SNTB2: variants seen among roughly 807,000 people sequenced by gnomAD.
SNTB2 encodes syntrophin beta 2.
Under a neutral mutation model 46.2 loss-of-function variants are expected in SNTB2, and 34 were observed. The ratio of observed to expected loss-of-function variants is 0.74; its 90% CI spans 0.56 to 0.98. The LOEUF (loss-of-function observed/expected upper bound fraction) is 0.98, where lower values mean the gene tolerates loss of function less well. Among genes scored for constraint, SNTB2 ranks in the 50% least tolerant of loss-of-function variants. The probability of loss-of-function intolerance (pLI) is 0.00; values close to 1 mark genes in which losing one functional copy is unlikely to be tolerated. For missense variants in SNTB2, 603 were observed against 731.4 expected (o/e 0.82, Z 2.02); for synonymous variants, 290 against 312.6 (o/e 0.93, Z 0.76).
At chr16:69,298,734 C>T (rs142528658) in intron 5 of SNTB2, among the ~76,000 whole-genome samples, 3,229 of 151,986 alleles carry the variant, frequency 0.021, 121 homozygotes, top group African/African-American at 0.073. Context: ...GTTGGCCAGG[C>T]TAGTCTCTAA....
Position 69,236,416 on chromosome 16 carries a change from G to A in SNTB2, c.581-9186G>A, listed in dbSNP as rs112793629. ...GTACAGATACAAAGGGACAACTATT[G>A]TATGAGTCCACCTATGTGAGGTACC... On this transcript the variant is annotated intron_variant, in intron 1 of 6. Transcript: ENST00000336278. Among the ~76,000 whole-genome samples the A allele has an allele frequency of 1.9e-3, 295 of 152,244 alleles. 1 individual carries two copies. The highest frequency in any genetic ancestry group is 6.8e-3 in the Middle Eastern group (2 of 294).
intron 2 of SNTB2, among the ~76,000 whole-genome samples, chr16:69,253,715 A>T (rs1226431661): frequency 6.6e-6 from 1 of 152,114 alleles, no homozygotes; most frequent in Admixed American, 6.6e-5. Flanking sequence ...ATCTATTCTC[A>T]TCTTTTTTCA....
chr16:69,289,397 T>C (rs956953623), intron 5 of SNTB2, among the ~76,000 whole-genome samples: 3 of 151,950 alleles, frequency 2.0e-5, no homozygotes, highest in Non-Finnish European at 4.4e-5. Flanking sequence ...AACATACAAT[T>C]AGAAAGAAGG....
intron 1 of SNTB2, among the ~76,000 whole-genome samples, chr16:69,192,267 C>T (rs543948672): frequency 6.6e-6 from 1 of 152,206 alleles, no homozygotes; most frequent in Non-Finnish European, 1.5e-5. Context: ...TCAAGAGATA[C>T]TTTAAAGCAG....
chr16:69,210,939 C>T (rs1159087608), intron 1 of SNTB2, among the ~76,000 whole-genome samples: 1 of 151,890 alleles, frequency 6.6e-6, no homozygotes, highest in African/African-American at 2.4e-5. Context: ...TGCAGTGAGC[C>T]GAGATTGCAC....
chr16:69,245,077 G>C (rs1176473515), intron 1 of SNTB2, among the ~76,000 whole-genome samples: 2 of 152,232 alleles, frequency 1.3e-5, no homozygotes, highest in Admixed American at 6.5e-5. Flanking sequence ...CCAGTGGGTA[G>C]AAGTATGGAG....
chr16:69,196,632 C>T (rs1242350610), intron 1 of SNTB2, among the ~76,000 whole-genome samples: 1 of 152,106 alleles, frequency 6.6e-6, no homozygotes, highest in African/African-American at 2.4e-5. Context: ...CTTGGCCTCC[C>T]AAAGTCCTGG....
chr16:69,304,174 GTCCTT>G lies in SNTB2; in HGVS notation c.*3255_*3259del, dbSNP rs1271836182. The stretch of plus-strand genomic sequence containing the variant: ...GTTTTTCTTTTTCTGAAAAAGGTAA[GTCCTT>G]TCCTGAAGTCATCAAATGAAACATT... On this transcript the variant is annotated 3_prime_UTR_variant, in exon 7 of 7. Transcript: ENST00000336278. 1 of 152,180 alleles carries G rather than the reference GTCCTT, an allele frequency of 6.6e-6. No individual in the cohort carries two copies. The highest frequency in any genetic ancestry group is 1.5e-5 in the Non-Finnish European group (1 of 68,032). 9.4% of individuals were successfully genotyped at this position (152,180 alleles called of 1,614,324 possible). A position where few individuals can be genotyped will look rare whatever the true frequency, so the allele number is the denominator to read the frequency against.
chr16:69,249,291 G>T (rs1964702935), intron 2 of SNTB2, among the ~76,000 whole-genome samples: 1 of 152,084 alleles, frequency 6.6e-6, no homozygotes, highest in African/African-American at 2.4e-5. Context: ...CTCCCAAAGT[G>T]CTGGGGTTAC....
chr16:69,248,285 T>C (rs1964690236), intron 2 of SNTB2, among the ~76,000 whole-genome samples: 1 of 152,246 alleles, frequency 6.6e-6, no homozygotes, highest in Non-Finnish European at 1.5e-5. Context: ...TTGAATCATC[T>C]AAGTGCAACA....
chr16:69,285,060 AG>A (rs1462555024), intron 5 of SNTB2, among the ~76,000 whole-genome samples: 2 of 152,206 alleles, frequency 1.3e-5, no homozygotes, highest in Admixed American at 1.3e-4. Flanking sequence ...GGCTTATGTA[AG>A]TACACTCTAT....
chr16:69,226,584 C>T (rs1371847561), intron 1 of SNTB2, among the ~76,000 whole-genome samples: 1 of 152,190 alleles, frequency 6.6e-6, no homozygotes, highest in East Asian at 1.9e-4. Flanking sequence ...CACTGGAGTG[C>T]GGTGGTGGGA....
intron 5 of SNTB2, among the ~76,000 whole-genome samples, chr16:69,297,811 G>A (rs1965242415): frequency 6.6e-6 from 1 of 152,048 alleles, no homozygotes; most frequent in African/African-American, 2.4e-5. Flanking sequence ...CTACTCAGCA[G>A]GCTGAGGCAG....
At chr16:69,205,213 G>A (rs1298650197) in intron 1 of SNTB2, among the ~76,000 whole-genome samples, 4 of 149,358 alleles carry the variant, frequency 2.7e-5, no homozygotes, top group South Asian at 4.2e-4. Flanking sequence ...GCAGTGGTGC[G>A]ATCTCAGCTT....
intron 2 of SNTB2, among the ~76,000 whole-genome samples, chr16:69,250,266 C>T (rs1208376995): frequency 6.6e-6 from 1 of 152,166 alleles, no homozygotes; most frequent in African/African-American, 2.4e-5. Context: ...TGGCTATACT[C>T]ATGGGAATGT....
intron 2 of SNTB2, among the ~76,000 whole-genome samples, chr16:69,256,996 C>A (rs1333265192): frequency 6.6e-6 from 1 of 151,958 alleles, no homozygotes; most frequent in Non-Finnish European, 1.5e-5. Context: ...ATGGTGAAAC[C>A]CTGTCTCTAC....
At chr16:69,263,394 G>A (rs1413720024) in intron 3 of SNTB2, among the ~76,000 whole-genome samples, 1 of 150,916 alleles carries the variant, frequency 6.6e-6, no homozygotes, top group Admixed American at 6.6e-5. Context: ...ACAGGCATGA[G>A]CCACTGTGCC....
chr16:69,251,257 C>A (rs1296442246), intron 2 of SNTB2, among the ~76,000 whole-genome samples: 2 of 151,084 alleles, frequency 1.3e-5, no homozygotes, highest in African/African-American at 4.9e-5. Context: ...GGATTACAGG[C>A]GTGAGCCACT....
intron 1 of SNTB2, among the ~76,000 whole-genome samples, chr16:69,241,221 G>A (rs1964611200): frequency 8.2e-6 from 1 of 121,454 alleles, no homozygotes; most frequent in Non-Finnish European, 1.6e-5. Context: ...TTCTAGCCCA[G>A]GCTGGAGTGC....
Sources: gnomAD v4.1 joint callset for allele counts (sites outside exome capture counted in the v4.1 genomes callset) on GRCh38, gnomAD v4.1.1 for gene constraint, MANE v1.5 for transcripts, NCBI Gene and HGNC (gene_info 2026-07-23, HGNC 2026-07-21) for gene names.